The following WAC variants were observed in gnomAD, a reference collection of about 807,000 sequenced individuals.
WAC encodes WW domain-containing adapter protein with coiled-coil.
WAC carries 11 observed loss-of-function variants against 79.6 expected under a neutral mutation model. That is an observed-to-expected ratio of 0.14 (90% CI 0.09 to 0.23). The LOEUF (loss-of-function observed/expected upper bound fraction) is 0.23. Ranked by LOEUF, WAC falls within the 10% of genes least tolerant of loss-of-function variation. WAC has a pLI of 1.00. For missense variants in WAC, 728 were observed against 773.5 expected, an observed-to-expected ratio of 0.94 and a Z score of 0.70; for synonymous variants, 304 against 276.9, an observed-to-expected ratio of 1.10 and a Z score of -0.97.
intron 3 of WAC, among the ~76,000 whole-genome samples, chr10:28,554,115 G>T (rs1019815018): frequency 1.3e-5 from 2 of 152,100 alleles, no homozygotes; most frequent in South Asian, 2.1e-4. Flanking sequence ...TGATCTGCCC[G>T]CCTCTTCCTC....
chr10:28,573,543 G>C (rs572997234), intron 3 of WAC, among the ~76,000 whole-genome samples: 27 of 152,182 alleles, frequency 1.8e-4, no homozygotes, highest in Non-Finnish European at 3.2e-4. Flanking sequence ...AGCCATAAGA[G>C]AATGTCAGTA....
chr10:28,575,394 G>T (rs145173923), intron 3 of WAC, among the ~76,000 whole-genome samples: 2 of 152,114 alleles, frequency 1.3e-5, no homozygotes, highest in African/African-American at 2.4e-5. Flanking sequence ...ACATTTTCAG[G>T]AACTACCAGA....
chr10:28,549,713 A>C (rs1837556209), intron 3 of WAC, among the ~76,000 whole-genome samples: 1 of 152,178 alleles, frequency 6.6e-6, no homozygotes, highest in Non-Finnish European at 1.5e-5. Context: ...TTGTCCAAAA[A>C]TGAGTTTTTC....
At chr10:28,598,420 C>G (rs1317341987) in intron 7 of WAC, among the ~76,000 whole-genome samples, 1 of 152,174 alleles carries the variant, frequency 6.6e-6, no homozygotes, top group African/African-American at 2.4e-5. Context: ...ATCCAATACT[C>G]TTTTGTTACA....
At position 28,616,305 on chromosome 10, in the gene WAC, C is replaced by T. The variant is rs2132862879; in HGVS notation, c.1689C>T (p.Phe563=). The change falls in exon 12 of 14, where the codon TTC becomes TTT. Residue 563 remains phenylalanine (F), a synonymous_variant. Coordinates refer to ENST00000354911, the MANE Select transcript of WAC (RefSeq NM_016628.5). The stretch of plus-strand genomic sequence containing the variant: ...TAACGCCTGCACTAGCAGCACACTT[C>T]AGTGAAAATCTCATAAAACACGTTC... ...CSLTPALAAH[F]SENLIKHVQG... The T allele has an allele frequency of 6.2e-7, 1 of 1,613,808 alleles. No individual in the cohort carries two copies. The highest frequency in any genetic ancestry group is 8.5e-7 in the Non-Finnish European group (1 of 1,179,824).
Position 28,563,744 on chromosome 10 carries a change from C to CTTTT in WAC, c.275-19629_275-19626dup, listed in dbSNP as rs71281550. ...ACAAGTGCATGCTGCCTACACCCAG[C>CTTTT]TTTTTTTTTTTTTTTTTTTTTTTTT... On this transcript the variant is annotated intron_variant, in intron 3 of 13. Transcript: ENST00000354911. Among the ~76,000 whole-genome samples the CTTTT allele has an allele frequency of 1.6e-3, 110 of 67,906 alleles. 4 individuals carry two copies. Among genetic ancestry groups the CTTTT allele is most frequent in the East Asian group, 8.7e-3 (9 of 1,040 alleles). The allele number at this position is 67,906 out of a possible 152,430, so 44.5% of individuals were successfully genotyped here.
Position 28,595,866 on chromosome 10 carries a change from C to T in WAC, c.744C>T (p.His248=). The part of the protein sequence containing the change: ...ETHSSSTPVQ[H]PIKPVVHPTA... ...ACAGTAGTTCTACGCCAGTACAGCACCCCATCAAACCAGTGGTTCATCCAA... is the reference window on the plus strand; with the variant it reads ...ACAGTAGTTCTACGCCAGTACAGCATCCCATCAAACCAGTGGTTCATCCAA... Residue 248 remains histidine, a synonymous_variant, in exon 7 of 14, where the codon CAC becomes CAT. Coordinates refer to ENST00000354911, the MANE Select transcript of WAC (RefSeq NM_016628.5). 1 of 1,614,158 alleles carries T rather than the reference C, an allele frequency of 6.2e-7. No individual in the cohort carries two copies. The highest frequency in any genetic ancestry group is 8.5e-7 in the Non-Finnish European group (1 of 1,180,006).
At chr10:28,611,292 T>C in intron 9 of WAC, 1 of 1,292,776 alleles carries the variant, frequency 7.7e-7, no homozygotes, top group Non-Finnish European at 1.0e-6. Context: ...TGGAGAGAGA[T>C]ACACATAGGA....
intron 3 of WAC, among the ~76,000 whole-genome samples, chr10:28,572,038 C>T (rs1839000752): frequency 6.6e-6 from 1 of 152,092 alleles, no homozygotes; most frequent in East Asian, 1.9e-4. Flanking sequence ...TGTAATTACA[C>T]TGCATAAAAG....
At chr10:28,593,307 A>G (rs1840191612) in intron 6 of WAC, among the ~76,000 whole-genome samples, 1 of 152,152 alleles carries the variant, frequency 6.6e-6, no homozygotes, top group African/African-American at 2.4e-5. Flanking sequence ...GTGTTTGTGT[A>G]GAGTATGGCT....
chr10:28,591,711 T>A (rs921788828), intron 6 of WAC: 6 of 151,806 alleles, frequency 4.0e-5, no homozygotes, highest in Admixed American at 1.3e-4. Context: ...AATTAAAAAT[T>A]AACCACGCAG....
At chr10:28,578,180 T>G (rs1240317162) in intron 3 of WAC, among the ~76,000 whole-genome samples, 1 of 151,796 alleles carries the variant, frequency 6.6e-6, no homozygotes. Context: ...ACAAAAAAAT[T>G]TAAAAATTAC....
chr10:28,547,915 C>CTTTT (rs11408560), intron 3 of WAC, among the ~76,000 whole-genome samples: 131 of 132,204 alleles, frequency 9.9e-4, no homozygotes, highest in South Asian at 1.6e-3. Context: ...TTCTCTTTTT[C>CTTTT]TTTTTTTTTT....
intron 3 of WAC, among the ~76,000 whole-genome samples, chr10:28,537,847 G>A (rs1009535074): frequency 6.6e-6 from 1 of 152,036 alleles, no homozygotes; most frequent in African/African-American, 2.4e-5. Flanking sequence ...TTAAAAATTT[G>A]CATCTTTCCT....
At chr10:28,539,452 TA>T (rs377457740) in intron 3 of WAC, among the ~76,000 whole-genome samples, 186 of 152,382 alleles carry the variant, frequency 1.2e-3, no homozygotes, top group Middle Eastern at 0.01. Flanking sequence ...ATAATTAAAA[TA>T]TTTTTTTGTG....
At chr10:28,571,806 T>C (rs201682447) in intron 3 of WAC, among the ~76,000 whole-genome samples, 2 of 152,224 alleles carry the variant, frequency 1.3e-5, no homozygotes, top group African/African-American at 2.4e-5. Flanking sequence ...CTGTTTCTTT[T>C]TGCCTTCTGT....
At chr10:28,601,678 T>C (rs532343497) in intron 7 of WAC, among the ~76,000 whole-genome samples, 19 of 152,260 alleles carry the variant, frequency 1.2e-4, no homozygotes, top group African/African-American at 4.3e-4. Flanking sequence ...GATGAAAGGA[T>C]ACGACGTGAT....
intron 3 of WAC, among the ~76,000 whole-genome samples, chr10:28,551,058 A>G (rs990439331): frequency 4.6e-5 from 7 of 151,944 alleles, no homozygotes; most frequent in Non-Finnish European, 7.4e-5. Context: ...AGCTAAGGAG[A>G]TTTTTATGGT....
In WAC at chr10:28,536,278, A is replaced by T. The variant is rs188249812; in HGVS notation, c.274+521A>T. 1.1e-4 allele frequency among the ~76,000 whole-genome samples: 17 copies of T among 151,178 alleles called. No individual in the cohort carries two copies. The East Asian group carries it at 3.3e-3, about 29-fold the overall frequency. On this transcript the variant is annotated intron_variant, in intron 3 of 13. Transcript: ENST00000354911. ...AAAAAAAAGCGGACTTTAGTGTTTAATAATAAGGGAATGCATTTATGAATA... is the reference window on the plus strand; with the variant it reads ...AAAAAAAAGCGGACTTTAGTGTTTATTAATAAGGGAATGCATTTATGAATA...
Sources: gnomAD v4.1 joint callset for allele counts (sites outside exome capture counted in the v4.1 genomes callset) on GRCh38, gnomAD v4.1.1 for gene constraint, MANE v1.5 for transcripts, NCBI Gene and HGNC (gene_info 2026-07-23, HGNC 2026-07-21) for gene names.